Variants in PALS1 observed in about 807,000 individuals in gnomAD.
The protein encoded by PALS1 is protein associated with LIN7 1, MAGUK p55 family member.
PALS1 carries 31 observed loss-of-function variants against 78.9 expected under a neutral mutation model. The ratio of observed to expected loss-of-function variants is 0.39; its 90% CI spans 0.30 to 0.53. The LOEUF is 0.53. Ranked by LOEUF, PALS1 falls within the 20% of genes least tolerant of loss-of-function variation. PALS1 has a pLI of 0.67. For synonymous variants in PALS1, 276 were observed against 270.9 expected (o/e 1.02, Z -0.18); for missense variants, 704 against 826.5 (o/e 0.85, Z 1.82).
intron 10 of PALS1, 54 bp downstream of exon 10, chr14:67,316,957 G>A: frequency 1.4e-6 from 2 of 1,414,546 alleles, no homozygotes; most frequent in Admixed American, 1.9e-5. Flanking sequence ...TTCATCTGGA[G>A]CCATGTGTGA....
chr14:67,320,011 C>T (rs1487375780), intron 11 of PALS1, among the ~76,000 whole-genome samples: 2 of 152,100 alleles, frequency 1.3e-5, no homozygotes, highest in Non-Finnish European at 2.9e-5. Flanking sequence ...TTGTATTAGA[C>T]ATTCAAGCAT....
At position 67,334,319 on chromosome 14, in the gene PALS1, C is replaced by CTT. The variant is rs2141077155; in HGVS notation, c.*1364_*1365dup. 6.5e-6 allele frequency: 1 copy of CTT among 152,696 alleles called. No homozygotes were observed. Among genetic ancestry groups the CTT allele is most frequent in the East Asian group, 1.9e-4 (1 of 5,188 alleles). The allele number at this position is 152,696 out of a possible 1,614,324, so 9.5% of individuals were successfully genotyped here. ...TCAACGTATATAATTGGCATGGAAA[C>CTT]TTAATTTGCAGTCTTTTCAAGCCTT... is the stretch of plus-strand genomic sequence containing the variant. On this transcript the variant is annotated 3_prime_UTR_variant, in exon 15 of 15. Transcript: ENST00000261681.
At chr14:67,290,220 C>T (rs1019423011) in intron 3 of PALS1, among the ~76,000 whole-genome samples, 21 of 151,750 alleles carry the variant, frequency 1.4e-4, no homozygotes, top group African/African-American at 3.6e-4. Flanking sequence ...TGGGAGGTAA[C>T]GAAAAAAGTG....
chr14:67,264,808 G>A (rs141589632), intron 1 of PALS1, among the ~76,000 whole-genome samples: 1 of 152,170 alleles, frequency 6.6e-6, no homozygotes, highest in African/African-American at 2.4e-5. Flanking sequence ...TTACAGATGT[G>A]TTATATATAT....
At chr14:67,266,936 C>T (rs1447066856) in intron 1 of PALS1, among the ~76,000 whole-genome samples, 1 of 151,734 alleles carries the variant, frequency 6.6e-6, no homozygotes, top group African/African-American at 2.4e-5. Context: ...ACAGTGAAAC[C>T]CTATCTCTAC....
intron 13 of PALS1, among the ~76,000 whole-genome samples, chr14:67,323,057 G>A (rs1320139725): frequency 6.6e-6 from 1 of 151,940 alleles, no homozygotes; most frequent in African/African-American, 2.4e-5. Flanking sequence ...TTTTTAATAT[G>A]GTTATTGTAA....
intron 2 of PALS1, among the ~76,000 whole-genome samples, chr14:67,278,228 C>G (rs118087570): frequency 6.6e-6 from 1 of 151,780 alleles, no homozygotes; most frequent in African/African-American, 2.4e-5. Context: ...TTAGTAGAGA[C>G]GGGGTTTTGC....
intron 1 of PALS1, among the ~76,000 whole-genome samples, chr14:67,265,466 G>C (rs180732922): frequency 2.0e-5 from 3 of 152,278 alleles, no homozygotes; most frequent in Middle Eastern, 6.8e-3. Context: ...TGAGGTGGGA[G>C]GGTTGCATGA....
At chr14:67,315,920 G>A (rs981000266) in intron 9 of PALS1, among the ~76,000 whole-genome samples, 15 of 152,240 alleles carry the variant, frequency 9.9e-5, no homozygotes, top group African/African-American at 3.6e-4. Flanking sequence ...GCGAGACTTC[G>A]TCTCAAAAGA....
intron 1 of PALS1, among the ~76,000 whole-genome samples, chr14:67,266,837 C>T (rs1035519096): frequency 6.6e-6 from 1 of 152,000 alleles, no homozygotes; most frequent in African/African-American, 2.4e-5. Context: ...TGGCTGGGCA[C>T]AGTGGCTCAT....
In PALS1 at chr14:67,335,105, T is replaced by C. The variant is rs942181877; in HGVS notation, c.*2149T>C. 1 of 149,956 alleles carries C rather than the reference T, an allele frequency of 6.7e-6. No individual in the cohort carries two copies. Among genetic ancestry groups the C allele is most frequent in the Non-Finnish European group, 1.5e-5 (1 of 66,426 alleles). 9.3% of individuals were successfully genotyped at this position (149,956 alleles called of 1,614,324 possible). On this transcript the variant is annotated 3_prime_UTR_variant, in exon 15 of 15. Coordinates refer to ENST00000261681, the MANE Select transcript of PALS1 (RefSeq NM_022474.4). ...AGGCAGAGGTGATGCCATGCCATAC[T>C]TTTAGGAAGTCTGAGATGATAAATA...
chr14:67,246,851 C>G (rs914506877), intron 1 of PALS1, among the ~76,000 whole-genome samples: 1 of 152,102 alleles, frequency 6.6e-6, no homozygotes, highest in Middle Eastern at 3.4e-3. Flanking sequence ...GGGGTTTCAC[C>G]GTGTTGGCCA....
chr14:67,259,041 C>G (rs146985257), intron 1 of PALS1, among the ~76,000 whole-genome samples: 1 of 151,332 alleles, frequency 6.6e-6, no homozygotes, highest in Non-Finnish European at 1.5e-5. Context: ...CAGGCTTTCA[C>G]TATGTTGGTC....
chr14:67,254,793 T>G (rs376538459), intron 1 of PALS1, among the ~76,000 whole-genome samples: 1 of 152,248 alleles, frequency 6.6e-6, no homozygotes, highest in South Asian at 2.1e-4. Context: ...AATCATCTAC[T>G]AATTTGCTAA....
intron 1 of PALS1, among the ~76,000 whole-genome samples, chr14:67,251,588 TA>T (rs74310291): frequency 0.15 from 22,595 of 152,148 alleles, 3,144 homozygotes; most frequent in East Asian, 0.42. Flanking sequence ...CTGTAAATTG[TA>T]AATAAGCTCC....
intron 14 of PALS1, among the ~76,000 whole-genome samples, chr14:67,327,994 A>G (rs1298097055): frequency 6.6e-6 from 1 of 152,224 alleles, no homozygotes; most frequent in Non-Finnish European, 1.5e-5. Flanking sequence ...TTGGGTATAT[A>G]CCCAGTAATG....
At chr14:67,274,591 T>A (rs1344293679) in intron 2 of PALS1, among the ~76,000 whole-genome samples, 2 of 152,198 alleles carry the variant, frequency 1.3e-5, no homozygotes, top group Non-Finnish European at 2.9e-5. Context: ...CTTAGGGTTG[T>A]CTTGGCAATG....
intron 14 of PALS1, among the ~76,000 whole-genome samples, chr14:67,329,098 TC>T (rs1265847299): frequency 1.3e-5 from 2 of 152,226 alleles, no homozygotes; most frequent in Non-Finnish European, 2.9e-5. Flanking sequence ...TATTGATTCT[TC>T]CCATCCATGA....
chr14:67,266,323 A>T (rs1332238259), intron 1 of PALS1, among the ~76,000 whole-genome samples: 1 of 147,558 alleles, frequency 6.8e-6, no homozygotes, highest in African/African-American at 2.6e-5. Flanking sequence ...TGCATGAGTA[A>T]TTCAAATATT....
Sources: allele counts gnomAD v4.1 joint callset (sites outside exome capture counted in the v4.1 genomes callset), GRCh38; gene constraint gnomAD v4.1.1; transcripts MANE v1.5; gene names NCBI Gene and HGNC (gene_info 2026-07-23, HGNC 2026-07-21).